HS6ST3: variants seen among roughly 807,000 people sequenced by gnomAD.
HS6ST3 encodes the protein heparan-sulfate 6-O-sulfotransferase 3.
A neutral mutation model predicts 36.7 loss-of-function variants in HS6ST3; 12 were observed. That is an observed-to-expected ratio of 0.33 (90% CI 0.21 to 0.53). HS6ST3 has a LOEUF of 0.53. HS6ST3 is among the 20% of genes least tolerant of loss of function. The pLI, the probability that HS6ST3 is intolerant of heterozygous loss-of-function variation, is 0.95. For synonymous variants in HS6ST3, 240 were observed against 257.5 expected, an observed-to-expected ratio of 0.93 and a Z score of 0.65; for missense variants, 584 against 640.9, an observed-to-expected ratio of 0.91 and a Z score of 0.96.
intron 1 of HS6ST3, among the ~76,000 whole-genome samples, chr13:96,096,131 A>C (rs1211235385): frequency 6.6e-6 from 1 of 152,114 alleles, no homozygotes; most frequent in Non-Finnish European, 1.5e-5. Context: ...AATTGAAAGA[A>C]TGTGTAATAT....
At chr13:96,281,730 A>G (rs983655543) in intron 1 of HS6ST3, among the ~76,000 whole-genome samples, 36 of 152,214 alleles carry the variant, frequency 2.4e-4, no homozygotes, top group African/African-American at 8.7e-4. Flanking sequence ...ATTTCCAAAA[A>G]GAGAAAATGA....
intron 1 of HS6ST3, among the ~76,000 whole-genome samples, chr13:96,565,718 T>C (rs1376780870): frequency 6.6e-6 from 1 of 152,134 alleles, no homozygotes. Flanking sequence ...CTAAAATCTG[T>C]GGGTATCCTA....
chr13:96,675,662 C>A (rs999674023), intron 1 of HS6ST3, among the ~76,000 whole-genome samples: 1 of 152,076 alleles, frequency 6.6e-6, no homozygotes, highest in South Asian at 2.1e-4. Flanking sequence ...CAATGTAAGA[C>A]CCTCTGCATA....
chr13:96,599,327 A>C (rs774650844), intron 1 of HS6ST3, among the ~76,000 whole-genome samples: 10 of 151,954 alleles, frequency 6.6e-5, no homozygotes. Flanking sequence ...GCTTGTTATC[A>C]GTCTGTTCAA....
chr13:96,660,752 TG>T (rs1263723244), intron 1 of HS6ST3, among the ~76,000 whole-genome samples: 1 of 152,116 alleles, frequency 6.6e-6, no homozygotes, highest in African/African-American at 2.4e-5. Flanking sequence ...GCAACTTGAT[TG>T]GATTGAAGGA....
intron 1 of HS6ST3, among the ~76,000 whole-genome samples, chr13:96,380,522 TC>T (rs2055335960): frequency 6.6e-6 from 1 of 152,104 alleles, no homozygotes. Context: ...TGCCTCAGCC[TC>T]CCAAAGGGCT....
At chr13:96,140,012 TCA>T (rs1373343166) in intron 1 of HS6ST3, among the ~76,000 whole-genome samples, 4 of 152,048 alleles carry the variant, frequency 2.6e-5, no homozygotes, top group Non-Finnish European at 5.9e-5. Flanking sequence ...TTGAAAAAAC[TCA>T]CAGATGAGCC....
At chr13:96,107,911 G>C (rs1266643611) in intron 1 of HS6ST3, among the ~76,000 whole-genome samples, 3 of 152,032 alleles carry the variant, frequency 2.0e-5, no homozygotes. Flanking sequence ...GTTGCCTCAG[G>C]ACCCTGTGAT....
chr13:96,235,311 A>C (rs1594725994), intron 1 of HS6ST3, among the ~76,000 whole-genome samples: 2 of 152,294 alleles, frequency 1.3e-5, no homozygotes, highest in East Asian at 3.9e-4. Context: ...TTTAAGAAGT[A>C]CTCTGGTTGA....
chr13:96,558,495 A>T (rs941194684), intron 1 of HS6ST3, among the ~76,000 whole-genome samples: 1 of 152,200 alleles, frequency 6.6e-6, no homozygotes, highest in African/African-American at 2.4e-5. Context: ...TAAGAGGTTC[A>T]TTTTTCACAA....
chr13:96,237,242 T>C (rs2054538952), intron 1 of HS6ST3, among the ~76,000 whole-genome samples: 1 of 152,230 alleles, frequency 6.6e-6, no homozygotes, highest in African/African-American at 2.4e-5. Flanking sequence ...TCTTAGGCCA[T>C]TGAGAAGATA....
chr13:96,790,603 A>C (rs1398275144), intron 1 of HS6ST3, among the ~76,000 whole-genome samples: 1 of 152,090 alleles, frequency 6.6e-6, no homozygotes, highest in Non-Finnish European at 1.5e-5. Context: ...GTTAAGTACT[A>C]TGCCAAGTAT....
intron 1 of HS6ST3, among the ~76,000 whole-genome samples, chr13:96,693,669 A>G (rs1380040158): frequency 1.3e-5 from 2 of 152,162 alleles, no homozygotes; most frequent in African/African-American, 4.8e-5. Flanking sequence ...ATTTATTCTC[A>G]TGGTAAAATG....
In HS6ST3 at chr13:96,787,257, G is replaced by A. The variant is rs1442095254; in HGVS notation, c.708-45233G>A. On this transcript the variant is annotated intron_variant, in intron 1 of 1. Transcript: ENST00000376705. ...GTAAATACCGAGGAGTAGGATGACT[G>A]GGTCATGTCATTCCTACCACAGGAG... is the stretch of plus-strand genomic sequence containing the variant. Among the ~76,000 whole-genome samples, 6 of 152,194 alleles carry A rather than the reference G, an allele frequency of 3.9e-5. No homozygotes were observed. In the South Asian group the frequency reaches 1.0e-3, roughly 26 times the overall value.
chr13:96,261,937 T>C (rs910857214), intron 1 of HS6ST3, among the ~76,000 whole-genome samples: 4 of 152,330 alleles, frequency 2.6e-5, no homozygotes, highest in East Asian at 1.9e-4. Context: ...AAGGCTCTTA[T>C]GGAAGGAACT....
chr13:96,627,178 A>G (rs1272498780), intron 1 of HS6ST3, among the ~76,000 whole-genome samples: 1 of 152,072 alleles, frequency 6.6e-6, no homozygotes, highest in African/African-American at 2.4e-5. Context: ...CCCTCTCAAA[A>G]GTAAAGGTGT....
At chr13:96,831,133 A>G (rs932926517) in intron 1 of HS6ST3, among the ~76,000 whole-genome samples, 5 of 152,064 alleles carry the variant, frequency 3.3e-5, no homozygotes, top group African/African-American at 1.2e-4. Flanking sequence ...TTTCTCTTTC[A>G]TTTCTCAACT....
intron 1 of HS6ST3, among the ~76,000 whole-genome samples, chr13:96,543,600 T>G (rs2056186512): frequency 6.6e-6 from 1 of 152,140 alleles, no homozygotes; most frequent in Non-Finnish European, 1.5e-5. Context: ...AGCAGAAACT[T>G]TACTATTAAT....
chr13:96,607,028 A>G (rs1420696878), intron 1 of HS6ST3, among the ~76,000 whole-genome samples: 1 of 152,196 alleles, frequency 6.6e-6, no homozygotes, highest in Admixed American at 6.5e-5. Flanking sequence ...GAAGCAAGAA[A>G]ACAGAACAAA....
Sources: gnomAD v4.1 joint callset for allele counts (sites outside exome capture counted in the v4.1 genomes callset) on GRCh38, gnomAD v4.1.1 for gene constraint, MANE v1.5 for transcripts, NCBI Gene and HGNC (gene_info 2026-07-23, HGNC 2026-07-21) for gene names.